PDZRN3: variants seen among roughly 807,000 people sequenced by gnomAD.
The protein encoded by PDZRN3 is E3 ubiquitin-protein ligase PDZRN3.
Under a neutral mutation model 85.7 loss-of-function variants are expected in PDZRN3, and 38 were observed. The ratio of observed to expected loss-of-function variants is 0.44; its 90% confidence interval spans 0.34 to 0.58. The LOEUF is 0.58. PDZRN3 is among the 20% of genes least tolerant of loss of function. The pLI is 0.01. For missense variants in PDZRN3, 1,629 were observed against 1,506.4 expected (o/e 1.08, Z -1.35); for synonymous variants, 759 against 638.0 (o/e 1.19, Z -2.86).
At chr3:73,428,000 G>A (rs1164099356) in intron 3 of PDZRN3, among the ~76,000 whole-genome samples, 1 of 152,150 alleles carries the variant, frequency 6.6e-6, no homozygotes, top group Non-Finnish European at 1.5e-5. Flanking sequence ...AGATGAATTG[G>A]TGAACTAACT....
At chr3:73,476,002 G>A (rs1290935204) in intron 3 of PDZRN3, among the ~76,000 whole-genome samples, 2 of 152,174 alleles carry the variant, frequency 1.3e-5, no homozygotes, top group Admixed American at 6.5e-5. Context: ...GTTTTCCTAA[G>A]CTCAGCTTCC....
At position 73,385,651 on chromosome 3, in the gene PDZRN3, C is replaced by G. The variant is rs756426751; in HGVS notation, c.1635+18G>C. 7 of 1,445,718 alleles carry G rather than the reference C, an allele frequency of 4.8e-6. No homozygotes were observed. The African/African-American group carries it at 8.4e-5, about 17-fold the overall frequency. 89.6% of individuals were successfully genotyped at this position (1,445,718 alleles called of 1,614,324 possible). A position where few individuals can be genotyped will look rare whatever the true frequency, so the allele number is the denominator to read the frequency against. On this transcript the variant is annotated intron_variant, in intron 9 of 9. Coordinates refer to ENST00000263666, the MANE Select transcript of PDZRN3 (RefSeq NM_015009.3). ...GCTCAGCAGGGCAGAGTGTCAGGGA[C>G]TGGTGCGTGGGCGTTACCTGCTGCA... is the stretch of plus-strand genomic sequence containing the variant.
chr3:73,511,093 G>A (rs1453255186), intron 3 of PDZRN3, among the ~76,000 whole-genome samples: 1 of 152,142 alleles, frequency 6.6e-6, no homozygotes, highest in African/African-American at 2.4e-5. Context: ...GGCAGAGGCG[G>A]CAAAATGTTA....
intron 3 of PDZRN3, among the ~76,000 whole-genome samples, chr3:73,560,493 A>G (rs764636784): frequency 5.9e-5 from 9 of 152,226 alleles, no homozygotes; most frequent in Admixed American, 3.9e-4. Flanking sequence ...GCACCACTGT[A>G]TATGTGGTGG....
In PDZRN3 at chr3:73,384,182, A is replaced by G. The variant is rs1701289748; in HGVS notation, c.2384T>C (p.Val795Ala). 6.2e-7 allele frequency: 1 copy of G among 1,613,910 alleles called. No individual in the cohort carries two copies. The highest frequency in any genetic ancestry group is 1.3e-5 in the African/African-American group (1 of 74,930). The change falls in exon 10 of 10, where the codon GTG becomes GCG. Residue 795 changes from valine to alanine, a missense_variant. Transcript: ENST00000263666. The part of the protein sequence containing the change: ...GISCPSSEGA[V>A]GTTEAYGPAS... ...TGGCCCGTAGGCTTCCGTGGTCCCC[A>G]CAGCCCCTTCGCTGCTCGGGCAGCT... is the stretch of plus-strand genomic sequence containing the variant.
At chr3:73,433,494 C>A in intron 3 of PDZRN3, 2 of 596,358 alleles carry the variant, frequency 3.4e-6, no homozygotes, top group East Asian at 2.8e-5. Flanking sequence ...AGAGAAAATA[C>A]ACAAAAAAGT....
intron 3 of PDZRN3, among the ~76,000 whole-genome samples, chr3:73,532,499 T>C (rs1296726376): frequency 6.6e-6 from 1 of 152,210 alleles, no homozygotes; most frequent in Non-Finnish European, 1.5e-5. Context: ...GCTGATGGCG[T>C]TCCTTGAGTC....
intron 3 of PDZRN3, among the ~76,000 whole-genome samples, chr3:73,516,149 G>A (rs1001061485): frequency 6.6e-6 from 1 of 152,168 alleles, no homozygotes; most frequent in Non-Finnish European, 1.5e-5. Context: ...GTTGTGGTGG[G>A]TTTCCATTGC....
At chr3:73,498,274 C>A (rs1342870181) in intron 3 of PDZRN3, among the ~76,000 whole-genome samples, 4 of 152,126 alleles carry the variant, frequency 2.6e-5, no homozygotes, top group Non-Finnish European at 5.9e-5. Flanking sequence ...TTATGTGTAT[C>A]CCGACTAACC....
Position 73,405,878 on chromosome 3 carries a change from G to A in PDZRN3, c.919-1483C>T, listed in dbSNP as rs527443811. Among the ~76,000 whole-genome samples, 6 of 152,304 alleles carry A rather than the reference G, an allele frequency of 3.9e-5. No homozygotes were observed. In the South Asian group the frequency reaches 1.2e-3, roughly 32 times the overall value. The stretch of plus-strand genomic sequence containing the variant: ...GCAGAACATAAGTATTGGTTGTAAA[G>A]CTGTTTTTCTCTTTTTTTCCCCCAA... On this transcript the variant is annotated intron_variant, in intron 3 of 9. Coordinates refer to ENST00000263666, the MANE Select transcript of PDZRN3 (RefSeq NM_015009.3).
At chr3:73,603,737 C>A (rs111814112) in intron 2 of PDZRN3, among the ~76,000 whole-genome samples, 1 of 152,058 alleles carries the variant, frequency 6.6e-6, no homozygotes, top group Non-Finnish European at 1.5e-5. Flanking sequence ...AAAACAATCC[C>A]TATATTCTAA....
At chr3:73,510,984 G>A (rs902732238) in intron 3 of PDZRN3, among the ~76,000 whole-genome samples, 1 of 152,088 alleles carries the variant, frequency 6.6e-6, no homozygotes, top group Admixed American at 6.5e-5. Flanking sequence ...TGGCTGGGGG[G>A]ACCACTGAAA....
intron 3 of PDZRN3, among the ~76,000 whole-genome samples, chr3:73,416,840 A>G (rs1702091467): frequency 6.9e-6 from 1 of 143,944 alleles, no homozygotes; most frequent in Admixed American, 7.0e-5. Context: ...TCCATCTTTA[A>G]CCTGCCTAGG....
intron 7 of PDZRN3, among the ~76,000 whole-genome samples, chr3:73,389,333 G>A (rs2106687076): frequency 6.6e-6 from 1 of 152,288 alleles, no homozygotes; most frequent in East Asian, 1.9e-4. Flanking sequence ...ATGGTTAGAT[G>A]TTGAGTCAGA....
chr3:73,465,376 C>G (rs1037031891), intron 3 of PDZRN3, among the ~76,000 whole-genome samples: 2 of 152,134 alleles, frequency 1.3e-5, no homozygotes, highest in Non-Finnish European at 2.9e-5. Flanking sequence ...AACAAATTGC[C>G]TTATATAGAT....
intron 8 of PDZRN3, among the ~76,000 whole-genome samples, chr3:73,387,096 G>A (rs150661686): frequency 1.4e-3 from 208 of 152,328 alleles, no homozygotes; most frequent in Non-Finnish European, 1.5e-3. Context: ...CTTCCCTGCT[G>A]CCACGTAAGA....
chr3:73,393,833 A>G (rs972908793), intron 5 of PDZRN3, among the ~76,000 whole-genome samples: 3 of 152,232 alleles, frequency 2.0e-5, no homozygotes, highest in African/African-American at 7.2e-5. Context: ...ACTACCAAAC[A>G]TGTAGGTGGC....
At position 73,437,705 on chromosome 3, in the gene PDZRN3, T is replaced by G. The variant is rs568564020; in HGVS notation, c.919-33310A>C. On this transcript the variant is annotated intron_variant, in intron 3 of 9. Coordinates refer to ENST00000263666, the MANE Select transcript of PDZRN3 (RefSeq NM_015009.3). The stretch of plus-strand genomic sequence containing the variant: ...CACCCATTATGCCTAAAACAAGACA[T>G]ACCAAAGTGATTTTTTTTTTCTAAT... 2.6e-5 allele frequency among the ~76,000 whole-genome samples: 4 copies of G among 152,306 alleles called. No individual in the cohort carries two copies. The East Asian group carries it at 5.8e-4, about 22-fold the overall frequency.
chr3:73,571,499 A>G (rs1006092191), intron 3 of PDZRN3, among the ~76,000 whole-genome samples: 7 of 152,240 alleles, frequency 4.6e-5, no homozygotes, highest in Non-Finnish European at 1.0e-4. Context: ...AGTGAGGGGC[A>G]GTCCAGCTGT....
Sources: gnomAD v4.1 joint callset for allele counts (sites outside exome capture counted in the v4.1 genomes callset) on GRCh38, gnomAD v4.1.1 for gene constraint, MANE v1.5 for transcripts, NCBI Gene and HGNC (gene_info 2026-07-23, HGNC 2026-07-21) for gene names.